SRGAP1: variants seen among roughly 807,000 people sequenced by gnomAD.
SRGAP1 encodes SLIT-ROBO Rho GTPase activating protein 1.
In SRGAP1, 43 loss-of-function variants were observed where a neutral mutation model predicts 121.9. The ratio of observed to expected loss-of-function variants is 0.35; its 90% CI spans 0.28 to 0.46. SRGAP1 has a LOEUF of 0.46. SRGAP1 is among the 20% of genes least tolerant of loss of function. The pLI is 1.00. For synonymous variants in SRGAP1, 447 were observed against 485.4 expected, an observed-to-expected ratio of 0.92 and a Z score of 1.04; for missense variants, 1,102 against 1,350.9, an observed-to-expected ratio of 0.82 and a Z score of 2.89.
At chr12:63,883,648 CCTTTTTT>C (rs1163286981) in intron 1 of SRGAP1, among the ~76,000 whole-genome samples, 13 of 151,534 alleles carry the variant, frequency 8.6e-5, no homozygotes, top group East Asian at 2.0e-4. Flanking sequence ...AAAGGGAAAT[CCTTTTTT>C]CTTTTTTCTT....
chr12:64,059,274 C>T (rs187489412), intron 6 of SRGAP1, among the ~76,000 whole-genome samples: 17 of 152,204 alleles, frequency 1.1e-4, no homozygotes, highest in Admixed American at 9.2e-4. Context: ...AATTTTGAGG[C>T]GTGAGCTAAG....
At chr12:64,047,152 CTT>C (rs1157685095) in intron 6 of SRGAP1, among the ~76,000 whole-genome samples, 2 of 152,132 alleles carry the variant, frequency 1.3e-5, no homozygotes, top group Non-Finnish European at 2.9e-5. Flanking sequence ...AATAATATAA[CTT>C]AAGATATTGG....
Position 63,857,407 on chromosome 12 carries a change from A to G in SRGAP1, c.67+12524A>G, listed in dbSNP as rs58322492. Among the ~76,000 whole-genome samples the G allele has an allele frequency of 5.1e-3, 723 of 142,722 alleles. 9 individuals are homozygous for G. Among genetic ancestry groups the G allele is most frequent in the African/African-American group, 0.018 (691 of 37,904 alleles). The allele number at this position is 142,722 out of a possible 152,430, so 93.6% of individuals were successfully genotyped here. A position where few individuals can be genotyped will look rare whatever the true frequency, so the allele number is the denominator to read the frequency against. On this transcript the variant is annotated intron_variant, in intron 1 of 21. Transcript: ENST00000355086. ...AATTTACTTTTTTTTTTTGAGACGA[A>G]GTCTTGCTCTGTCACCCAGGCTGGA...
At chr12:64,008,068 GAC>G (rs957766588) in intron 3 of SRGAP1, among the ~76,000 whole-genome samples, 3 of 152,180 alleles carry the variant, frequency 2.0e-5, no homozygotes, top group African/African-American at 4.8e-5. Flanking sequence ...GTATGTGCCA[GAC>G]ACTCTGTTAA....
At position 64,042,855 on chromosome 12, in the gene SRGAP1, C is replaced by T. The variant is rs757099301; in HGVS notation, c.555C>T (p.Ala185=). 4.5e-5 allele frequency: 73 copies of T among 1,613,316 alleles called. 1 individual carries two copies. The South Asian group carries it at 6.3e-4, about 14-fold the overall frequency. The part of the protein sequence containing the change: ...SISAESKLKE[A]EKQEEKQIGR... ...GTGCAGAGAGCAAGCTGAAAGAGGC[C>T]GAAAAACAAGAGGAAAAGCAAATTG... is the stretch of plus-strand genomic sequence containing the variant. Residue 185 remains alanine, a synonymous_variant, in exon 5 of 22, where the codon GCC becomes GCT. Coordinates refer to ENST00000355086, the MANE Select transcript of SRGAP1 (RefSeq NM_020762.4).
At chr12:63,964,812 T>C (rs2032741744) in intron 1 of SRGAP1, among the ~76,000 whole-genome samples, 1 of 152,194 alleles carries the variant, frequency 6.6e-6, no homozygotes, top group Non-Finnish European at 1.5e-5. Context: ...TAAGGCCCAA[T>C]TCCCTGTTCA....
intron 4 of SRGAP1, among the ~76,000 whole-genome samples, chr12:64,033,051 T>G (rs1270716107): frequency 1.3e-5 from 2 of 152,160 alleles, no homozygotes; most frequent in Non-Finnish European, 2.9e-5. Flanking sequence ...GTATGATAAC[T>G]CCTGAAACAA....
At chr12:63,984,885 A>G (rs1316870343) in intron 2 of SRGAP1, among the ~76,000 whole-genome samples, 7 of 152,054 alleles carry the variant, frequency 4.6e-5, no homozygotes, top group African/African-American at 1.4e-4. Flanking sequence ...GTGTGGTGGC[A>G]TGCACCTGTA....
At chr12:64,061,156 A>G (rs536969456) in intron 6 of SRGAP1, among the ~76,000 whole-genome samples, 20 of 152,202 alleles carry the variant, frequency 1.3e-4, no homozygotes, top group Non-Finnish European at 2.4e-4. Context: ...ACATGAAAAA[A>G]TACAAATGCA....
chr12:64,070,303 A>T (rs2035616518), intron 8 of SRGAP1, among the ~76,000 whole-genome samples: 1 of 152,032 alleles, frequency 6.6e-6, no homozygotes, highest in Admixed American at 6.5e-5. Flanking sequence ...CTTTAGCTAT[A>T]CATAGTCAAA....
intron 4 of SRGAP1, among the ~76,000 whole-genome samples, chr12:64,034,388 CTG>C (rs1325838272): frequency 6.6e-6 from 1 of 152,172 alleles, no homozygotes; most frequent in Non-Finnish European, 1.5e-5. Context: ...GCCTGCAGAA[CTG>C]TGAGTCAATT....
At chr12:64,090,987 A>C (rs557671982) in intron 11 of SRGAP1, among the ~76,000 whole-genome samples, 1 of 152,344 alleles carries the variant, frequency 6.6e-6, no homozygotes, top group East Asian at 1.9e-4. Flanking sequence ...CATTTGGCCA[A>C]ATAGCTAACG....
rs2033116488 is a variant in SRGAP1 at position 63,977,119 on chromosome 12, G to A, written c.68-6828G>A. Among the ~76,000 whole-genome samples, 4 of 152,092 alleles carry A rather than the reference G, an allele frequency of 2.6e-5. No homozygotes were observed. The South Asian group carries it at 8.3e-4, about 32-fold the overall frequency. On this transcript the variant is annotated intron_variant, in intron 1 of 21. Transcript: ENST00000355086. ...AGCTTATTATGCAAAATTTGCACCT[G>A]GTGTTTAGTTAATCAACAGTCACCA...
At chr12:64,136,019 A>G (rs764878798) in intron 21 of SRGAP1, among the ~76,000 whole-genome samples, 2 of 152,224 alleles carry the variant, frequency 1.3e-5, no homozygotes, top group Non-Finnish European at 2.9e-5. Context: ...AGGCTAGGCC[A>G]GTCTAACCTT....
At chr12:64,047,402 G>T (rs571592803) in intron 6 of SRGAP1, among the ~76,000 whole-genome samples, 2 of 152,242 alleles carry the variant, frequency 1.3e-5, no homozygotes, top group East Asian at 1.9e-4. Context: ...TTATGCAGAG[G>T]TATCTAGAAT....
At chr12:64,124,796 AATC>A (rs2036661529) in intron 18 of SRGAP1, among the ~76,000 whole-genome samples, 1 of 152,074 alleles carries the variant, frequency 6.6e-6, no homozygotes, top group Non-Finnish European at 1.5e-5. Flanking sequence ...ATTATTTTGA[AATC>A]ATTGTAGATT....
At chr12:63,983,919 C>T in intron 1 of SRGAP1, 28 bp from the exon 2 acceptor site, 2 of 1,309,726 alleles carry the variant, frequency 1.5e-6, no homozygotes, top group Non-Finnish European at 2.0e-6. Flanking sequence ...TTAATGTAAC[C>T]ATCCATTGGC....
intron 1 of SRGAP1, among the ~76,000 whole-genome samples, chr12:63,855,482 T>TTG (rs1899213434): frequency 1.0e-4 from 12 of 117,146 alleles, no homozygotes; most frequent in Non-Finnish European, 1.5e-4. Context: ...TGTTTTTTTT[T>TTG]TTTTTTTTTT....
rs568128788 is a variant in SRGAP1 at position 63,968,758 on chromosome 12, G to A, written c.68-15189G>A. On this transcript the variant is annotated intron_variant, in intron 1 of 21. Coordinates refer to ENST00000355086, the MANE Select transcript of SRGAP1 (RefSeq NM_020762.4). Reference sequence around the variant, plus strand: ...GTAACCAGAGGGAAGAAGAAAAAATGTATTCATCCTGTGCTGTGCTGTTGG... The same window carrying A: ...GTAACCAGAGGGAAGAAGAAAAAATATATTCATCCTGTGCTGTGCTGTTGG... Among the ~76,000 whole-genome samples the A allele has an allele frequency of 2.0e-5, 3 of 152,312 alleles. No individual in the cohort carries two copies. The South Asian group carries it at 6.2e-4, about 32-fold the overall frequency.
Sources: gnomAD v4.1 joint callset for allele counts (sites outside exome capture counted in the v4.1 genomes callset) on GRCh38, gnomAD v4.1.1 for gene constraint, MANE v1.5 for transcripts, NCBI Gene and HGNC (gene_info 2026-07-23, HGNC 2026-07-21) for gene names.